Variants in TMEM179B observed in about 807,000 individuals in gnomAD.
TMEM179B encodes the protein transmembrane protein 179B.
TMEM179B carries 13 observed loss-of-function variants against 18.0 expected under a neutral mutation model. That is an observed-to-expected ratio of 0.72 (90% CI 0.47 to 1.15). The LOEUF (loss-of-function observed/expected upper bound fraction) is 1.15. TMEM179B is among the 50% of genes most tolerant of loss of function. TMEM179B has a pLI of 0.00. For synonymous variants in TMEM179B, 159 were observed against 117.5 expected (o/e 1.35, Z -2.29); for missense variants, 320 against 270.6 (o/e 1.18, Z -1.28).
At chr11:62,788,520 C>T (rs1565193022) in intron 1 of TMEM179B, among the ~76,000 whole-genome samples, 1 of 151,958 alleles carries the variant, frequency 6.6e-6, no homozygotes, top group Admixed American at 6.6e-5. Context: ...CTGGCCAACA[C>T]GGTGAAACCC....
In TMEM179B at chr11:62,789,877, C is replaced by G; in HGVS notation, c.499-9C>G. The G allele has an allele frequency of 6.2e-7, 1 of 1,611,716 alleles. No homozygotes were observed. Among genetic ancestry groups the G allele is most frequent in the Non-Finnish European group, 8.5e-7 (1 of 1,178,734 alleles). On this transcript the variant is annotated splice_polypyrimidine_tract_variant and intron_variant, in intron 4 of 4. Coordinates refer to ENST00000333449, the MANE Select transcript of TMEM179B (RefSeq NM_199337.3). ...CCACTCCTGACGATCCTGTCCCTGT[C>G]TCCTACAGACCTCTTCTTGGGTGAA...
Position 62,790,072 on chromosome 11 carries a change from G to A in TMEM179B, c.*25G>A, listed in dbSNP as rs777384962. Reference sequence around the variant, plus strand: ...AAGAATAAGCGGAGTGCTTCCTGCAGCCGAAGACTCCATGCCCAAGTGCCT... The same window carrying A: ...AAGAATAAGCGGAGTGCTTCCTGCAACCGAAGACTCCATGCCCAAGTGCCT... On this transcript the variant is annotated 3_prime_UTR_variant, in exon 5 of 5. Coordinates refer to ENST00000333449, the MANE Select transcript of TMEM179B (RefSeq NM_199337.3). The A allele has an allele frequency of 1.9e-6, 3 of 1,583,100 alleles. No homozygotes were observed. Among genetic ancestry groups the A allele is most frequent in the African/African-American group, 2.7e-5 (2 of 74,096 alleles).
intron 4 of TMEM179B, 28 bp downstream of exon 4, chr11:62,789,707 T>G: frequency 1.3e-6 from 2 of 1,527,578 alleles, no homozygotes; most frequent in Non-Finnish European, 1.8e-6. Context: ...GAGGAAAAAC[T>G]GACATAAATA....
intron 1 of TMEM179B, chr11:62,787,946 AGT>A (rs1271265654): frequency 1.4e-5 from 7 of 485,358 alleles, no homozygotes; most frequent in South Asian, 6.2e-5. Context: ...ATTGTAGCAC[AGT>A]GTGTTAAATG....
intron 1 of TMEM179B, among the ~76,000 whole-genome samples, chr11:62,788,776 G>A (rs1287415939): frequency 6.6e-6 from 1 of 151,584 alleles, no homozygotes; most frequent in Non-Finnish European, 1.5e-5. Context: ...CATAACTTGT[G>A]AGGCTTCTCT....
intron 1 of TMEM179B, chr11:62,788,052 G>T (rs947973281): frequency 2.2e-6 from 1 of 453,778 alleles, no homozygotes; most frequent in Non-Finnish European, 4.4e-6. Flanking sequence ...AATAAACATG[G>T]GTTCATTTAA....
At position 62,789,275 on chromosome 11, in the gene TMEM179B, T is replaced by C; in HGVS notation, c.285-17T>C. 6.2e-7 allele frequency: 1 copy of C among 1,614,040 alleles called. No individual in the cohort carries two copies. The highest frequency in any genetic ancestry group is 8.5e-7 in the Non-Finnish European group (1 of 1,179,980). ...TGAGCCTCACCTCCACCACAAGGCT[T>C]GTTCTCTCCCTTTCAGAGGTGCTAT... On this transcript the variant is annotated splice_polypyrimidine_tract_variant and intron_variant, in intron 2 of 4. Coordinates refer to ENST00000333449, the MANE Select transcript of TMEM179B (RefSeq NM_199337.3).
rs778212425 is a variant in TMEM179B at position 62,787,442 on chromosome 11, C to T, written c.11C>T (p.Ser4Phe). The change falls in exon 1 of 5, where the codon TCC becomes TTC. Residue 4 changes from serine (S) to phenylalanine (F), a missense_variant. Physicochemically the swap from Ser to Phe is radical, Grantham distance 155. Coordinates refer to ENST00000333449, the MANE Select transcript of TMEM179B (RefSeq NM_199337.3). MAL[S>F]WLQRVELALF... ...GGTGGTCAGGGCGCCATGGCGCTGT[C>T]CTGGCTGCAGCGCGTCGAGCTTGCG... The T allele has an allele frequency of 2.2e-5, 34 of 1,568,556 alleles. No homozygotes were observed. The highest frequency in any genetic ancestry group is 2.5e-5 in the Non-Finnish European group (29 of 1,164,394).
Position 62,787,419 on chromosome 11 carries a change from T to G in TMEM179B, c.-13T>G. 6.4e-7 allele frequency: 1 copy of G among 1,557,062 alleles called. No homozygotes were observed. The highest frequency in any genetic ancestry group is 8.6e-7 in the Non-Finnish European group (1 of 1,159,594). ...GTGCTGCTGCAGCGGCGCTTCCTGG[T>G]GGTCAGGGCGCCATGGCGCTGTCCT... On this transcript the variant is annotated 5_prime_UTR_variant, in exon 1 of 5. Coordinates refer to ENST00000333449, the MANE Select transcript of TMEM179B (RefSeq NM_199337.3).
At chr11:62,788,918 TC>T in intron 1 of TMEM179B, 104 bp from the exon 2 acceptor site, 1 of 1,268,370 alleles carries the variant, frequency 7.9e-7, no homozygotes, top group Non-Finnish European at 1.1e-6. Context: ...ACAAATAACT[TC>T]CTGGAATGCA....
chr11:62,787,419 T>C lies in TMEM179B; in HGVS notation c.-13T>C. The C allele has an allele frequency of 6.4e-7, 1 of 1,557,062 alleles. No homozygotes were observed. The highest frequency in any genetic ancestry group is 8.6e-7 in the Non-Finnish European group (1 of 1,159,594). On this transcript the variant is annotated 5_prime_UTR_variant, in exon 1 of 5. Coordinates refer to ENST00000333449, the MANE Select transcript of TMEM179B (RefSeq NM_199337.3). ...GTGCTGCTGCAGCGGCGCTTCCTGG[T>C]GGTCAGGGCGCCATGGCGCTGTCCT...
rs1025020702 is a variant in TMEM179B, at chr11:62,787,506, C to T, written c.75C>T (p.Ala25=). Residue 25 remains alanine, a synonymous_variant, in exon 1 of 5, where the codon GCC becomes GCT. Coordinates refer to ENST00000333449, the MANE Select transcript of TMEM179B (RefSeq NM_199337.3). The part of the protein sequence containing the change: ...AAAFLCGAVA[A]AAMTRTQGSF... ...CCTTCCTGTGCGGGGCCGTGGCGGC[C>T]GCGGCGATGACTCGGACCCAGGTGC... is the stretch of plus-strand genomic sequence containing the variant. 3.8e-6 allele frequency: 6 copies of T among 1,576,906 alleles called. No homozygotes were observed. The highest frequency in any genetic ancestry group is 2.3e-5 in the South Asian group (2 of 88,550).
In TMEM179B at chr11:62,789,225, C is replaced by A. The variant is rs371596600; in HGVS notation, c.284+15C>A. ...GACTCCCACAGGTGACTGCCTAACC[C>A]TGAGGGCCAGGGGCTGAGGTAGGAT... On this transcript the variant is annotated intron_variant, in intron 2 of 4. Coordinates refer to ENST00000333449, the MANE Select transcript of TMEM179B (RefSeq NM_199337.3). The A allele has an allele frequency of 2.7e-5, 43 of 1,613,870 alleles. No individual in the cohort carries two copies. The highest frequency in any genetic ancestry group is 3.4e-5 in the Non-Finnish European group (40 of 1,179,876).
Position 62,787,518 on chromosome 11 carries a change from T to G in TMEM179B, c.87T>G (p.Thr29=), listed in dbSNP as rs1219289526. ...LCGAVAAAAM[T]RTQGSFSGRC... is the part of the protein sequence containing the mutation. The stretch of plus-strand genomic sequence containing the variant: ...GGGCCGTGGCGGCCGCGGCGATGAC[T>G]CGGACCCAGGTGCGGCTGCGGGGCG... Residue 29 remains threonine (T), a synonymous_variant, in exon 1 of 5, where the codon ACT becomes ACG. Transcript: ENST00000333449. 6.4e-7 allele frequency: 1 copy of G among 1,574,278 alleles called. No homozygotes were observed. The highest frequency in any genetic ancestry group is 2.3e-5 in the East Asian group (1 of 43,576).
At position 62,789,320 on chromosome 11, in the gene TMEM179B, G is replaced by A. The variant is rs540927271; in HGVS notation, c.313G>A (p.Ala105Thr). ...RGAIGLRIAL[A>T]ISAIAVFLVL... ...TGCTATAGGGCTGCGCATTGCACTGGCCATCTCAGCTATAGCCGTCTTCCT... is the reference window on the plus strand; with the variant it reads ...TGCTATAGGGCTGCGCATTGCACTGACCATCTCAGCTATAGCCGTCTTCCT... Residue 105 changes from alanine to threonine, a missense_variant, in exon 3 of 5, where the codon GCC becomes ACC. Transcript: ENST00000333449. 10 of 1,613,944 alleles carry A rather than the reference G, an allele frequency of 6.2e-6. No individual in the cohort carries two copies. The highest frequency in any genetic ancestry group is 1.6e-4 in the Middle Eastern group (1 of 6,062).
At chr11:62,787,550 G>A in intron 1 of TMEM179B, 23 bp downstream of exon 1, 1 of 1,527,124 alleles carries the variant, frequency 6.5e-7, no homozygotes, top group African/African-American at 1.4e-5. Context: ...GGCGGGGTCA[G>A]GTAGGCGGGG....
intron 1 of TMEM179B, chr11:62,787,808 C>T (rs2084306249): frequency 1.5e-6 from 1 of 676,662 alleles, no homozygotes; most frequent in African/African-American, 1.8e-5. Flanking sequence ...TGCTGCACAG[C>T]CTTACTGTGG....
In TMEM179B at chr11:62,788,948, C is replaced by T. The variant is rs187735263; in HGVS notation, c.97-75C>T. ...GAATGCAGGACCATTCCTAAGTTAT[C>T]ACTAACACCCTACCAAGAGACTGTA... On this transcript the variant is annotated intron_variant, in intron 1 of 4. Coordinates refer to ENST00000333449, the MANE Select transcript of TMEM179B (RefSeq NM_199337.3). 1,284 of 1,467,720 alleles carry T rather than the reference C, an allele frequency of 8.7e-4. 2 individuals carry two copies. Among genetic ancestry groups the T allele is most frequent in the Non-Finnish European group, 1.1e-3 (1,203 of 1,083,026 alleles). The allele number at this position is 1,467,720 out of a possible 1,614,324, so 90.9% of individuals were successfully genotyped here.
rs912732432 is a variant in TMEM179B, at chr11:62,790,297, G to C, written c.*250G>C. 1.8e-6 allele frequency: 1 copy of C among 551,282 alleles called. No individual in the cohort carries two copies. Among genetic ancestry groups the C allele is most frequent in the Admixed American group, 3.7e-5 (1 of 27,310 alleles). 34.1% of individuals were successfully genotyped at this position (551,282 alleles called of 1,614,324 possible). ...CAACTAGATAGGAGGAAGGAGTGAA[G>C]GCTAAGCAGACATGGACTGAAACTT... On this transcript the variant is annotated 3_prime_UTR_variant, in exon 5 of 5. Transcript: ENST00000333449.
Sources: allele counts gnomAD v4.1 joint callset (sites outside exome capture counted in the v4.1 genomes callset), GRCh38; gene constraint gnomAD v4.1.1; transcripts MANE v1.5; gene names NCBI Gene and HGNC (gene_info 2026-07-23, HGNC 2026-07-21).